The following FAF1 variants were observed in gnomAD, a reference collection of about 807,000 sequenced individuals.
FAF1 encodes Fas associated factor 1.
Under a neutral mutation model 92.5 loss-of-function variants are expected in FAF1, and 25 were observed. The ratio of observed to expected loss-of-function variants is 0.27; its 90% CI spans 0.20 to 0.38. The LOEUF (loss-of-function observed/expected upper bound fraction) is 0.38, where lower values mean the gene tolerates loss of function less well. Among genes scored for constraint, FAF1 ranks in the 10% least tolerant of loss-of-function variants. The pLI, the probability that FAF1 is intolerant of heterozygous loss-of-function variation, is 1.00. For missense variants in FAF1, 636 were observed against 793.3 expected (o/e 0.80, Z 2.38); for synonymous variants, 234 against 273.2 (o/e 0.86, Z 1.42).
chr1:50,828,880 A>G (rs1418294782), intron 2 of FAF1, among the ~76,000 whole-genome samples: 1 of 152,306 alleles, frequency 6.6e-6, no homozygotes, highest in East Asian at 1.9e-4. Context: ...AAGCCACAGA[A>G]TAGATGATGA....
chr1:50,834,357 A>C (rs1557550368), intron 2 of FAF1, among the ~76,000 whole-genome samples: 1 of 152,194 alleles, frequency 6.6e-6, no homozygotes, highest in Admixed American at 6.5e-5. Context: ...CCCTTCCAAC[A>C]CATCCTACAC....
chr1:50,675,461 T>C lies in FAF1; in HGVS notation c.658-19933A>G, dbSNP rs12088508. Among the ~76,000 whole-genome samples the C allele has an allele frequency of 2.6e-3, 392 of 152,334 alleles. 3 individuals carry two copies. Among genetic ancestry groups the C allele is most frequent in the African/African-American group, 8.6e-3 (358 of 41,574 alleles). ...AGGGACGATGGCAAATTAGAGAGCA[T>C]TGCCTATCCAAAGAGGCAGATGCTG... On this transcript the variant is annotated intron_variant, in intron 7 of 18. Transcript: ENST00000396153.
chr1:50,796,220 C>T (rs1661745499), intron 3 of FAF1, among the ~76,000 whole-genome samples: 2 of 152,096 alleles, frequency 1.3e-5, no homozygotes, highest in Admixed American at 6.6e-5. Context: ...CAAACACACA[C>T]ACACACACCC....
intron 1 of FAF1, among the ~76,000 whole-genome samples, chr1:50,895,478 C>T (rs1161796940): frequency 1.3e-5 from 2 of 152,112 alleles, no homozygotes; most frequent in East Asian, 3.9e-4. Flanking sequence ...CCCACTCGAA[C>T]TATTACAAAA....
chr1:50,905,936 G>C (rs148138388), intron 1 of FAF1, among the ~76,000 whole-genome samples: 9,187 of 152,228 alleles, frequency 0.06, 372 homozygotes, highest in Non-Finnish European at 0.089. Context: ...TGGTGTTTTA[G>C]TCATGAAGTC....
chr1:50,594,732 G>A (rs1291086266), intron 9 of FAF1, among the ~76,000 whole-genome samples: 6 of 151,326 alleles, frequency 4.0e-5, no homozygotes, highest in Admixed American at 2.0e-4. Context: ...TTAGCTGAGC[G>A]TGGTGGCGGG....
intron 3 of FAF1, among the ~76,000 whole-genome samples, chr1:50,788,790 G>A (rs1488214976): frequency 6.6e-6 from 1 of 152,136 alleles, no homozygotes; most frequent in Non-Finnish European, 1.5e-5. Flanking sequence ...ATAAAATAGA[G>A]GGGATATCAT....
chr1:50,718,620 A>G (rs551291467), intron 6 of FAF1, among the ~76,000 whole-genome samples: 3 of 152,308 alleles, frequency 2.0e-5, no homozygotes, highest in African/African-American at 7.2e-5. Context: ...ACTAGATTTT[A>G]TTTTCTAAAT....
chr1:50,460,107 C>T (rs985650309), intron 18 of FAF1, among the ~76,000 whole-genome samples: 2 of 152,208 alleles, frequency 1.3e-5, no homozygotes, highest in African/African-American at 4.8e-5. Flanking sequence ...TCAAAAATAT[C>T]TGTTGGATTA....
intron 1 of FAF1, among the ~76,000 whole-genome samples, chr1:50,862,291 C>A (rs910835137): frequency 3.3e-5 from 5 of 151,838 alleles, no homozygotes; most frequent in Admixed American, 2.6e-4. Context: ...TAGACAAAGT[C>A]TATCAATCAT....
At chr1:50,886,133 A>G (rs1421433209) in intron 1 of FAF1, among the ~76,000 whole-genome samples, 3 of 152,072 alleles carry the variant, frequency 2.0e-5, no homozygotes, top group African/African-American at 7.2e-5. Flanking sequence ...TTATAGTATT[A>G]TATTATTCTG....
chr1:50,588,631 G>A (rs1475171138), intron 9 of FAF1, among the ~76,000 whole-genome samples: 1 of 152,174 alleles, frequency 6.6e-6, no homozygotes, highest in Non-Finnish European at 1.5e-5. Flanking sequence ...GTCTAGGGGG[G>A]ACACTGAGTC....
intron 7 of FAF1, among the ~76,000 whole-genome samples, chr1:50,685,853 T>TGTA (rs1260653959): frequency 6.6e-6 from 1 of 152,196 alleles, no homozygotes; most frequent in Admixed American, 6.5e-5. Context: ...GACTAGCAGA[T>TGTA]TTTCCCCAGA....
chr1:50,573,782 G>C (rs1650570472), intron 12 of FAF1, among the ~76,000 whole-genome samples: 1 of 151,402 alleles, frequency 6.6e-6, no homozygotes, highest in African/African-American at 2.4e-5. Context: ...TCTTGCATAG[G>C]GAGCACTGTC....
At chr1:50,763,280 A>G (rs112748369) in intron 4 of FAF1, among the ~76,000 whole-genome samples, 73 of 152,210 alleles carry the variant, frequency 4.8e-4, no homozygotes, top group African/African-American at 1.7e-3. Flanking sequence ...CATAAAATAT[A>G]AAATAAAACA....
chr1:50,652,764 A>G (rs1186255108), intron 8 of FAF1, among the ~76,000 whole-genome samples: 2 of 152,214 alleles, frequency 1.3e-5, no homozygotes, highest in Non-Finnish European at 2.9e-5. Flanking sequence ...CAAGTCTCAG[A>G]CATCACTTCA....
At chr1:50,758,452 A>C (rs935133908) in intron 4 of FAF1, among the ~76,000 whole-genome samples, 1 of 152,256 alleles carries the variant, frequency 6.6e-6, no homozygotes. Context: ...TCTTCATGTT[A>C]TTGTTGTCAT....
intron 9 of FAF1, among the ~76,000 whole-genome samples, chr1:50,586,401 G>A (rs950420434): frequency 1.3e-5 from 2 of 152,050 alleles, no homozygotes; most frequent in Non-Finnish European, 2.9e-5. Context: ...AGTTCCAAAT[G>A]AGAAAGTCAA....
chr1:50,832,879 T>A (rs1644166754), intron 2 of FAF1, among the ~76,000 whole-genome samples: 1 of 152,204 alleles, frequency 6.6e-6, no homozygotes, highest in African/African-American at 2.4e-5. Context: ...AAAAAAAAAT[T>A]AAGCTATTTA....
Sources: gnomAD v4.1 joint callset for allele counts (sites outside exome capture counted in the v4.1 genomes callset) on GRCh38, gnomAD v4.1.1 for gene constraint, MANE v1.5 for transcripts, NCBI Gene and HGNC (gene_info 2026-07-23, HGNC 2026-07-21) for gene names.